The following ST18 variants were observed in gnomAD, a reference collection of about 807,000 sequenced individuals.
The protein encoded by ST18 is suppression of tumorigenicity 18 protein.
ST18 carries 50 observed loss-of-function variants against 110.0 expected under a neutral mutation model. The ratio of observed to expected loss-of-function variants is 0.45; its 90% CI spans 0.36 to 0.58. ST18 has a LOEUF of 0.58. Ranked by LOEUF, ST18 falls within the 20% of genes least tolerant of loss-of-function variation. The pLI is 0.00. For missense variants in ST18, 1,306 were observed against 1,280.1 expected (o/e 1.02, Z -0.31); for synonymous variants, 461 against 452.4 (o/e 1.02, Z -0.24).
chr8:52,350,125 C>T (rs1316113492), intron 2 of ST18, among the ~76,000 whole-genome samples: 1 of 152,132 alleles, frequency 6.6e-6, no homozygotes, highest in African/African-American at 2.4e-5. Context: ...GGGACAATAG[C>T]CATCCAGGTC....
rs142207129 is a variant in ST18, at chr8:52,279,379, A to G, written c.-464-49302T>C. On this transcript the variant is annotated intron_variant, in intron 2 of 25. Coordinates refer to ENST00000689386, the MANE Select transcript of ST18 (RefSeq NM_001352837.2). ...TACTCAGACTATAGCACAAACAGAT[A>G]TGGAGATTAAAATATTAAAGTTATG... 5.9e-3 allele frequency among the ~76,000 whole-genome samples: 899 copies of G among 152,290 alleles called. 5 individuals are homozygous for G. The highest frequency in any genetic ancestry group is 0.02 in the African/African-American group (852 of 41,568).
intron 2 of ST18, among the ~76,000 whole-genome samples, chr8:52,368,922 G>A (rs1378753621): frequency 1.3e-5 from 2 of 152,082 alleles, no homozygotes; most frequent in African/African-American, 4.8e-5. Flanking sequence ...CCTGGGTGGG[G>A]CACTCTTCTC....
intron 2 of ST18, chr8:52,406,809 T>A (rs1445741414): frequency 6.6e-6 from 1 of 152,194 alleles, no homozygotes; most frequent in African/African-American, 2.4e-5. Flanking sequence ...CCAGATGAAT[T>A]GTTGCAGTTG....
intron 2 of ST18, among the ~76,000 whole-genome samples, chr8:52,310,415 A>C (rs1312858158): frequency 1.6e-4 from 24 of 152,136 alleles, no homozygotes; most frequent in Admixed American, 1.6e-3. Context: ...CCTTAATTGA[A>C]GGTTGCTCAA....
At chr8:52,313,188 C>G (rs2095954798) in intron 2 of ST18, 1 of 152,758 alleles carries the variant, frequency 6.5e-6, no homozygotes, top group Non-Finnish European at 1.5e-5. Flanking sequence ...ACCTTGAACT[C>G]TTTCATGATT....
intron 22 of ST18, among the ~76,000 whole-genome samples, chr8:52,131,044 C>T (rs576839179): frequency 9.0e-4 from 137 of 152,296 alleles, no homozygotes; most frequent in African/African-American, 3.0e-3. Flanking sequence ...CAAGTTTTCT[C>T]CATAAACAGG....
Position 52,315,333 on chromosome 8 carries a change from C to T in ST18, c.-464-85256G>A, listed in dbSNP as rs752087640. Among the ~76,000 whole-genome samples the T allele has an allele frequency of 7.8e-4, 118 of 152,152 alleles. 2 individuals are homozygous for T. Among genetic ancestry groups the T allele is most frequent in the Admixed American group, 1.3e-4 (2 of 15,280 alleles). ...GAATGCATTTTTAATTAAGCGTATA[C>T]AACAGCCCCTCATTGACCCATCAAC... is the stretch of plus-strand genomic sequence containing the variant. On this transcript the variant is annotated intron_variant, in intron 2 of 25. Coordinates refer to ENST00000689386, the MANE Select transcript of ST18 (RefSeq NM_001352837.2).
Position 52,241,050 on chromosome 8 carries a change from T to G in ST18, c.-464-10973A>C, listed in dbSNP as rs72642763. On this transcript the variant is annotated intron_variant, in intron 2 of 25. Transcript: ENST00000689386. ...CTGAATCTCCTATCTTGGCTAACCA[T>G]TCATCTGGTAATCCAAACCAGAAGC... Among the ~76,000 whole-genome samples, 986 of 152,328 alleles carry G rather than the reference T, an allele frequency of 6.5e-3. 10 individuals are homozygous for G. The highest frequency in any genetic ancestry group is 0.011 in the Non-Finnish European group (723 of 68,024).
chr8:52,367,225 G>A (rs1021660635), intron 2 of ST18, among the ~76,000 whole-genome samples: 13 of 23,700 alleles, frequency 5.5e-4, no homozygotes, highest in African/African-American at 7.1e-4. Flanking sequence ...GTGACAGAGC[G>A]GGACCCTGTC....
At chr8:52,336,213 A>G (rs1172249491) in intron 2 of ST18, among the ~76,000 whole-genome samples, 4 of 151,988 alleles carry the variant, frequency 2.6e-5, no homozygotes, top group African/African-American at 9.7e-5. Context: ...CAATGCCACA[A>G]TCTCGGCTCA....
intron 2 of ST18, among the ~76,000 whole-genome samples, chr8:52,312,986 T>C (rs1159773784): frequency 6.6e-6 from 1 of 152,218 alleles, no homozygotes; most frequent in Non-Finnish European, 1.5e-5. Context: ...CAAGTATCTA[T>C]GTGTCCTAAA....
At chr8:52,196,460 T>A (rs551683805) in intron 8 of ST18, among the ~76,000 whole-genome samples, 1 of 152,192 alleles carries the variant, frequency 6.6e-6, no homozygotes, top group Non-Finnish European at 1.5e-5. Context: ...AGGACTGATG[T>A]CCCGTGTCTC....
At chr8:52,144,681 T>G (rs887687978) in intron 16 of ST18, among the ~76,000 whole-genome samples, 7 of 152,142 alleles carry the variant, frequency 4.6e-5, no homozygotes, top group African/African-American at 1.7e-4. Context: ...TGGTAAATGT[T>G]TGAAAACAGA....
At chr8:52,363,863 G>C (rs944360482) in intron 2 of ST18, among the ~76,000 whole-genome samples, 1 of 152,078 alleles carries the variant, frequency 6.6e-6, no homozygotes, top group African/African-American at 2.4e-5. Context: ...TTTTATAAAA[G>C]TAAGTCCAGT....
At chr8:52,115,299 T>A (rs563883997) in intron 25 of ST18, among the ~76,000 whole-genome samples, 3 of 152,318 alleles carry the variant, frequency 2.0e-5, no homozygotes, top group African/African-American at 7.2e-5. Context: ...CTGAGGAAAT[T>A]AAAAGCATTT....
intron 2 of ST18, among the ~76,000 whole-genome samples, chr8:52,307,257 C>T (rs1409886456): frequency 1.3e-5 from 2 of 152,134 alleles, no homozygotes; most frequent in African/African-American, 4.8e-5. Context: ...TAAAATGACT[C>T]CCTAAAGTTC....
intron 8 of ST18, among the ~76,000 whole-genome samples, chr8:52,192,417 A>T (rs1435364881): frequency 6.6e-6 from 1 of 152,220 alleles, no homozygotes; most frequent in African/African-American, 2.4e-5. Flanking sequence ...ATCCTCATGC[A>T]TCTCCCTGGA....
At chr8:52,297,032 G>T (rs926184607) in intron 2 of ST18, among the ~76,000 whole-genome samples, 1 of 152,112 alleles carries the variant, frequency 6.6e-6, no homozygotes, top group Non-Finnish European at 1.5e-5. Flanking sequence ...AATAATGCAT[G>T]AGTCCCAGAA....
chr8:52,318,972 G>A (rs1201874078), intron 2 of ST18, among the ~76,000 whole-genome samples: 1 of 152,086 alleles, frequency 6.6e-6, no homozygotes, highest in Non-Finnish European at 1.5e-5. Context: ...AATAGCTAGT[G>A]GATGCTGGGC....
Sources: allele counts gnomAD v4.1 joint callset (sites outside exome capture counted in the v4.1 genomes callset), GRCh38; gene constraint gnomAD v4.1.1; transcripts MANE v1.5; gene names NCBI Gene and HGNC (gene_info 2026-07-23, HGNC 2026-07-21).